NFIB: variants seen among roughly 807,000 people sequenced by gnomAD.
The protein encoded by NFIB is nuclear factor I B, also known as nuclear factor 1 B-type.
A neutral mutation model predicts 61.5 loss-of-function variants in NFIB; 11 were observed. The observed-to-expected ratio is 0.18, with a 90% CI of 0.11 to 0.30. NFIB has a LOEUF of 0.30. Ranked by LOEUF, NFIB falls within the 10% of genes least tolerant of loss-of-function variation. The pLI is 1.00. For synonymous variants in NFIB, 260 were observed against 216.5 expected (o/e 1.20, Z -1.76); for missense variants, 471 against 608.9 (o/e 0.77, Z 2.38).
chr9:14,129,993 A>C (rs2040211804), intron 6 of NFIB, among the ~76,000 whole-genome samples: 1 of 152,152 alleles, frequency 6.6e-6, no homozygotes, highest in South Asian at 2.1e-4. Context: ...AATCAGACAG[A>C]ACAATTTAAA....
chr9:14,377,805 T>A (rs529780337), intron 1 of NFIB, among the ~76,000 whole-genome samples: 1 of 152,306 alleles, frequency 6.6e-6, no homozygotes, highest in South Asian at 2.1e-4. Flanking sequence ...TCTCTTCTTT[T>A]CTTTGGGAAG....
chr9:14,175,237 G>A (rs1380562984), intron 3 of NFIB, among the ~76,000 whole-genome samples: 5 of 144,984 alleles, frequency 3.4e-5, no homozygotes, highest in South Asian at 2.2e-4. Flanking sequence ...GCAGTGGTGC[G>A]ATCTCGGCTA....
At chr9:14,212,435 T>C (rs1250351794) in intron 2 of NFIB, among the ~76,000 whole-genome samples, 1 of 152,182 alleles carries the variant, frequency 6.6e-6, no homozygotes, top group Non-Finnish European at 1.5e-5. Context: ...CAGTACACCA[T>C]GTCACAATGT....
chr9:14,427,526 C>T, the NFIB span, among the ~76,000 whole-genome samples: 1 of 152,166 alleles, frequency 6.6e-6, no homozygotes, highest in Non-Finnish European at 1.5e-5. Context: ...AGTTCATGTG[C>T]TCAATCACTG....
chr9:14,492,679 G>A, the NFIB span, among the ~76,000 whole-genome samples: 2 of 152,092 alleles, frequency 1.3e-5, no homozygotes, highest in African/African-American at 4.8e-5. Context: ...ATTCATGAAG[G>A]ATCCACCCCC....
At position 14,272,239 on chromosome 9, in the gene NFIB, A is replaced by C. The variant is rs375268627; in HGVS notation, c.562+34750T>G. Among the ~76,000 whole-genome samples the C allele has an allele frequency of 1.2e-4, 19 of 152,308 alleles. No individual in the cohort carries two copies. In the East Asian group the frequency reaches 2.9e-3, roughly 23 times the overall value. On this transcript the variant is annotated intron_variant, in intron 2 of 10. Transcript: ENST00000380953. ...AACTTGCAACTATAGCATACATGTT[A>C]AAATATCTTACTCCCAATTTTTCAA...
At chr9:14,221,847 G>A (rs1459167991) in intron 2 of NFIB, among the ~76,000 whole-genome samples, 1 of 152,132 alleles carries the variant, frequency 6.6e-6, no homozygotes, top group Non-Finnish European at 1.5e-5. Context: ...CTGCATAGTT[G>A]GCAAAGCTTA....
chr9:14,306,998 G>C lies in NFIB; in HGVS notation c.553C>G (p.Gln185Glu). ...AACAATCTGCTCCTACCTTGCTCCT[G>C]CACGTAGTATGCCAAAAACAAATCA... Reference protein sequence around the residue: ...ELDLFLAYYVQEQDSGQSGSP... With the variant: ...ELDLFLAYYVEEQDSGQSGSP... The change falls in exon 2 of 11, where the codon CAG becomes GAG. Residue 185 changes from glutamine to glutamate, a missense_variant. By Grantham distance (29) the Gln-to-Glu change is conservative (BLOSUM62 2). Coordinates refer to ENST00000380953, the MANE Select transcript of NFIB (RefSeq NM_001190737.2). 1 of 1,614,036 alleles carries C rather than the reference G, an allele frequency of 6.2e-7. No homozygotes were observed. Among genetic ancestry groups the C allele is most frequent in the Non-Finnish European group, 8.5e-7 (1 of 1,179,938 alleles).
chr9:14,090,746 C>A (rs1230942318), intron 10 of NFIB, among the ~76,000 whole-genome samples: 1 of 151,990 alleles, frequency 6.6e-6, no homozygotes, highest in East Asian at 1.9e-4. Context: ...GCAAAATTAA[C>A]AAGAGTGCCA....
rs371576492 is a variant in NFIB at position 14,146,339 on chromosome 9, G to A, written c.925+350C>T. Among the ~76,000 whole-genome samples the A allele has an allele frequency of 1.7e-4, 26 of 152,190 alleles. No individual in the cohort carries two copies. The East Asian group carries it at 2.9e-3, about 17-fold the overall frequency. On this transcript the variant is annotated intron_variant, in intron 6 of 10. Coordinates refer to ENST00000380953, the MANE Select transcript of NFIB (RefSeq NM_001190737.2). ...TGCTTAAAGTTTGGCTCCCTGCAAC[G>A]CTCCATAGAGAGGAGCAGGCGGATC...
At chr9:14,414,717 T>A in the NFIB span, among the ~76,000 whole-genome samples, 2 of 152,080 alleles carry the variant, frequency 1.3e-5, no homozygotes, top group East Asian at 3.8e-4. Context: ...TGTTGTTACA[T>A]TTATTATTCA....
intron 2 of NFIB, among the ~76,000 whole-genome samples, chr9:14,260,044 G>A (rs1009322587): frequency 6.6e-6 from 1 of 152,202 alleles, no homozygotes; most frequent in Non-Finnish European, 1.5e-5. Flanking sequence ...CCTTCTGTGA[G>A]GGTCTGGAGG....
chr9:14,440,944 C>G, the NFIB span, among the ~76,000 whole-genome samples: 1 of 151,938 alleles, frequency 6.6e-6, no homozygotes, highest in Non-Finnish European at 1.5e-5. Flanking sequence ...GTAGAACATA[C>G]AACTGCAATT....
chr9:14,283,696 T>A (rs909443648), intron 2 of NFIB, among the ~76,000 whole-genome samples: 1 of 152,078 alleles, frequency 6.6e-6, no homozygotes, highest in Non-Finnish European at 1.5e-5. Context: ...AGGGAGCAAA[T>A]ATATAAAGTC....
At chr9:14,183,313 A>G (rs1312867172) in intron 2 of NFIB, among the ~76,000 whole-genome samples, 32 of 152,118 alleles carry the variant, frequency 2.1e-4, no homozygotes, top group Non-Finnish European at 5.9e-5. Context: ...GTTGATGAAA[A>G]TTACCTTCCA....
At position 14,313,893 on chromosome 9, in the gene NFIB, T is replaced by A; in HGVS notation, c.-382A>T. 9.5e-7 allele frequency: 1 copy of A among 1,056,754 alleles called. No homozygotes were observed. The highest frequency in any genetic ancestry group is 1.1e-6 in the Non-Finnish European group (1 of 878,010). 65.5% of individuals were successfully genotyped at this position (1,056,754 alleles called of 1,614,324 possible). On this transcript the variant is annotated 5_prime_UTR_variant, in exon 1 of 11. Transcript: ENST00000380953. This position sits in a 1 kb window ranked among gnomAD's most constrained non-coding sequence, Gnocchi z 4.5. ...GTGTAGGGGGTGCGCGAAGGTTCGGTGTGGGTTGGATTGGGGTGGTGGTTG... is the reference window on the plus strand; with the variant it reads ...GTGTAGGGGGTGCGCGAAGGTTCGGAGTGGGTTGGATTGGGGTGGTGGTTG...
chr9:14,158,098 A>G (rs1415629669), intron 3 of NFIB, among the ~76,000 whole-genome samples: 1 of 150,882 alleles, frequency 6.6e-6, no homozygotes, highest in Non-Finnish European at 1.5e-5. Context: ...GCGACAGAAC[A>G]AGACTCCATC....
rs1382017905 is a variant in NFIB, at chr9:14,179,770, T to C, written c.573A>G (p.Gln191=). 12 of 1,613,338 alleles carry C rather than the reference T, an allele frequency of 7.4e-6. No individual in the cohort carries two copies. Among genetic ancestry groups the C allele is most frequent in the Middle Eastern group, 1.6e-4 (1 of 6,084 alleles). The part of the protein sequence containing the change: ...AYYVQEQDSG[Q]SGSPSHNDPA... ...GATCATTGTGGCTTGGACTTCCTGA[T>C]TGTCCAGAATCTGTAAAGAAATCAC... Residue 191 remains glutamine (Q), a synonymous_variant, in exon 3 of 11, where the codon CAA becomes CAG. Coordinates refer to ENST00000380953, the MANE Select transcript of NFIB (RefSeq NM_001190737.2).
chr9:14,168,368 T>C (rs76317170), intron 3 of NFIB, among the ~76,000 whole-genome samples: 18,615 of 152,226 alleles, frequency 0.12, 1,468 homozygotes, highest in East Asian at 0.4. Context: ...GTGCACTAAA[T>C]GCTAGTACTG....
Sources: allele counts gnomAD v4.1 joint callset (sites outside exome capture counted in the v4.1 genomes callset), GRCh38; gene constraint gnomAD v4.1.1; non-coding constraint Gnocchi (gnomAD v3.1); transcripts MANE v1.5; gene names NCBI Gene and HGNC (gene_info 2026-07-23, HGNC 2026-07-21).